Variants in FER1L6 observed in about 807,000 individuals in gnomAD.
FER1L6 encodes the protein fer-1 like family member 6, also known as fer-1-like protein 6.
FER1L6 carries 177 observed loss-of-function variants against 219.2 expected under a neutral mutation model. The observed-to-expected ratio is 0.81, with a 90% CI of 0.71 to 0.91. The LOEUF (loss-of-function observed/expected upper bound fraction) is 0.91. FER1L6 is among the 40% of genes least tolerant of loss of function. The pLI, the probability that FER1L6 is intolerant of heterozygous loss-of-function variation, is 0.00. For missense variants in FER1L6, 2,153 were observed against 2,259.9 expected (o/e 0.95, Z 0.96); for synonymous variants, 768 against 824.3 (o/e 0.93, Z 1.17).
intron 1 of FER1L6, among the ~76,000 whole-genome samples, chr8:123,954,409 G>A (rs1007375429): frequency 5.3e-5 from 8 of 151,926 alleles, no homozygotes; most frequent in African/African-American, 1.7e-4. Context: ...GCACTGATGT[G>A]GGAGCTCCTT....
At chr8:124,095,909 A>G (rs1416449595) in intron 35 of FER1L6, among the ~76,000 whole-genome samples, 1 of 152,236 alleles carries the variant, frequency 6.6e-6, no homozygotes, top group Non-Finnish European at 1.5e-5. Context: ...AGAGATGAGT[A>G]GTAGTAGAGA....
chr8:124,053,648 A>C (rs1379183359), intron 22 of FER1L6, among the ~76,000 whole-genome samples: 1 of 152,100 alleles, frequency 6.6e-6, no homozygotes, highest in Non-Finnish European at 1.5e-5. Context: ...ACTTGAGCCC[A>C]GGAATTTGAG....
chr8:124,103,067 G>A, intron 38 of FER1L6, 79 bp from the exon 39 acceptor site: 2 of 1,259,334 alleles, frequency 1.6e-6, no homozygotes, highest in Non-Finnish European at 2.3e-6. Flanking sequence ...GTGAATGAAT[G>A]AATGAGGATG....
intron 1 of FER1L6, among the ~76,000 whole-genome samples, chr8:123,953,172 C>A (rs940781553): frequency 2.0e-5 from 3 of 152,266 alleles, no homozygotes; most frequent in East Asian, 1.9e-4. Context: ...CATCAAGAAA[C>A]CTTTTCATGC....
At chr8:124,014,986 T>A (rs1818118933) in intron 15 of FER1L6, among the ~76,000 whole-genome samples, 1 of 152,170 alleles carries the variant, frequency 6.6e-6, no homozygotes. Context: ...ATTCAGTTTT[T>A]CATGGGCCAT....
In FER1L6 at chr8:124,023,507, G is replaced by A. The variant is rs1200315645; in HGVS notation, c.2197G>A (p.Ala733Thr). Reference protein sequence around the residue: ...MLSNNRRVAYARIASKDLLYS... With the variant: ...MLSNNRRVAYTRIASKDLLYS... ...CAGCAACAACAGGAGAGTGGCCTAT[G>A]CCCGCATCGCCTCCAAAGACCTCCT... is the stretch of plus-strand genomic sequence containing the variant. Residue 733 changes from alanine to threonine, a missense_variant, in exon 18 of 41, where the codon GCC (alanine) becomes ACC (threonine). Ala to Thr is a moderately conservative substitution (Grantham distance 58). Transcript: ENST00000522917. 6.2e-7 allele frequency: 1 copy of A among 1,614,186 alleles called. No homozygotes were observed. Among genetic ancestry groups the A allele is most frequent in the East Asian group, 2.2e-5 (1 of 44,882 alleles).
Position 123,952,513 on chromosome 8 carries a change from A to G in FER1L6, c.-7-3479A>G, listed in dbSNP as rs138966629. ...GTGTACCTCTTGCCTTATCTTGGGG[A>G]TGACCCTGGGAGGATATTATGATCC... On this transcript the variant is annotated intron_variant, in intron 1 of 40. Coordinates refer to ENST00000522917, the MANE Select transcript of FER1L6 (RefSeq NM_001039112.2). Among the ~76,000 whole-genome samples, 13 of 152,324 alleles carry G rather than the reference A, an allele frequency of 8.5e-5. No homozygotes were observed. In the East Asian group the frequency reaches 2.5e-3, roughly 29 times the overall value.
chr8:123,945,137 G>A (rs1411219721), intron 1 of FER1L6, among the ~76,000 whole-genome samples: 1 of 152,156 alleles, frequency 6.6e-6, no homozygotes, highest in Admixed American at 6.5e-5. Flanking sequence ...GACCAGGCAT[G>A]ACTTTAGACC....
intron 11 of FER1L6, among the ~76,000 whole-genome samples, chr8:123,982,185 C>G (rs1032825633): frequency 6.6e-6 from 1 of 152,084 alleles, no homozygotes; most frequent in African/African-American, 2.4e-5. Context: ...TGAATTTCAC[C>G]AGAAGTTGTG....
At chr8:123,965,226 T>C (rs530643367) in intron 3 of FER1L6, among the ~76,000 whole-genome samples, 1 of 152,278 alleles carries the variant, frequency 6.6e-6, no homozygotes, top group East Asian at 1.9e-4. Flanking sequence ...GCCCAGAGAT[T>C]TTTACTAACT....
At chr8:123,989,364 C>A (rs1224988957) in intron 12 of FER1L6, among the ~76,000 whole-genome samples, 1 of 152,038 alleles carries the variant, frequency 6.6e-6, no homozygotes, top group East Asian at 1.9e-4. Flanking sequence ...CCTCCTCTTC[C>A]ATTTTTTTGT....
chr8:124,021,123 C>G (rs1053741802), intron 16 of FER1L6, among the ~76,000 whole-genome samples: 3 of 152,132 alleles, frequency 2.0e-5, no homozygotes, highest in Non-Finnish European at 4.4e-5. Flanking sequence ...GAGAACCTTA[C>G]TCACTATCAC....
rs1823353126 is a variant in FER1L6 at position 124,118,748 on chromosome 8, T to A, written c.5290-96T>A. ...AAGCAGCGGGATAATCAAAATACTT[T>A]CTGGAATTCTCCAACTTGGTAACAC... is the stretch of plus-strand genomic sequence containing the variant. On this transcript the variant is annotated intron_variant, in intron 39 of 40. Coordinates refer to ENST00000522917, the MANE Select transcript of FER1L6 (RefSeq NM_001039112.2). 9.7e-6 allele frequency: 10 copies of A among 1,034,690 alleles called. No individual in the cohort carries two copies. In the South Asian group the frequency reaches 1.5e-4, roughly 15 times the overall value. The allele number at this position is 1,034,690 out of a possible 1,614,324, so 64.1% of individuals were successfully genotyped here.
At chr8:123,878,444 C>T (rs541729357) in intron 1 of FER1L6, among the ~76,000 whole-genome samples, 41 of 152,322 alleles carry the variant, frequency 2.7e-4, no homozygotes, top group Non-Finnish European at 5.4e-4. Flanking sequence ...TTCTGACGTA[C>T]CCATCACCTC....
At chr8:124,004,105 C>A (rs1586578598) in intron 13 of FER1L6, 2 of 90,296 alleles carry the variant, frequency 2.2e-5, no homozygotes, top group Non-Finnish European at 2.1e-5. Flanking sequence ...ATTTGCAAAA[C>A]TGAAAGACTC....
At chr8:123,956,225 G>C in intron 2 of FER1L6, 151 bp downstream of exon 2, 1 of 737,750 alleles carries the variant, frequency 1.4e-6, no homozygotes. Flanking sequence ...AGTCACAGGT[G>C]TGGGCCCAAG....
intron 1 of FER1L6, among the ~76,000 whole-genome samples, chr8:123,931,351 T>G (rs887645486): frequency 3.9e-5 from 6 of 152,220 alleles, no homozygotes; most frequent in African/African-American, 1.4e-4. Flanking sequence ...ACTTCCTCTT[T>G]GTGGGATCAA....
rs572241397 is a variant in FER1L6 at position 124,030,607 on chromosome 8, C to T, written c.2287-4670C>T. ...CTCTTCTCCTTGAGTTAGCTCTGGG[C>T]TGAGTCCACTCCTCACTCCCATCGC... is the stretch of plus-strand genomic sequence containing the variant. On this transcript the variant is annotated intron_variant, in intron 18 of 40. Transcript: ENST00000522917. Among the ~76,000 whole-genome samples the T allele has an allele frequency of 5.3e-5, 8 of 152,214 alleles. No homozygotes were observed. The East Asian group carries it at 1.6e-3, about 30-fold the overall frequency.
chr8:124,071,927 G>A (rs34113380), intron 31 of FER1L6, among the ~76,000 whole-genome samples: 31,406 of 152,018 alleles, frequency 0.21, 3,442 homozygotes, highest in Middle Eastern at 0.3. Flanking sequence ...CACTAGCCCT[G>A]TCATATTAGA....
Sources: gnomAD v4.1 joint callset for allele counts (sites outside exome capture counted in the v4.1 genomes callset) on GRCh38, gnomAD v4.1.1 for gene constraint, MANE v1.5 for transcripts, NCBI Gene and HGNC (gene_info 2026-07-23, HGNC 2026-07-21) for gene names.